The following MYO5C variants were observed in gnomAD, a reference collection of about 807,000 sequenced individuals.
The protein encoded by MYO5C is unconventional myosin-Vc.
Under a neutral mutation model 235.7 loss-of-function variants are expected in MYO5C, and 194 were observed. That is an observed-to-expected ratio of 0.82 (90% CI 0.73 to 0.93). MYO5C has a LOEUF of 0.93. Ranked by LOEUF, MYO5C falls within the 40% of genes least tolerant of loss-of-function variation. The pLI is 0.00. For missense variants in MYO5C, 2,038 were observed against 2,127.2 expected (o/e 0.96, Z 0.82); for synonymous variants, 707 against 754.8 (o/e 0.94, Z 1.04).
intron 34 of MYO5C, among the ~76,000 whole-genome samples, chr15:52,212,298 C>T (rs917428112): frequency 6.6e-6 from 1 of 152,178 alleles, no homozygotes; most frequent in Non-Finnish European, 1.5e-5. Flanking sequence ...ACACCCAGTG[C>T]AGCAGAGGAT....
At chr15:52,196,566 T>A in intron 38 of MYO5C, 83 bp from the exon 39 acceptor site, 1 of 1,342,486 alleles carries the variant, frequency 7.4e-7, no homozygotes, top group East Asian at 2.3e-5. Flanking sequence ...GTACCAGAGT[T>A]CGCTGAGATC....
intron 19 of MYO5C, chr15:52,242,511 T>C: frequency 3.5e-6 from 1 of 284,484 alleles, no homozygotes; most frequent in Non-Finnish European, 6.7e-6. Context: ...ACTTGCTCAA[T>C]CACGTACTAT....
chr15:52,251,517 T>TGGAACTGAAAAAAA lies in MYO5C; in HGVS notation c.1537-3_1537-2insTTTTTTTCAGTTCC. 1 of 1,588,968 alleles carries TGGAACTGAAAAAAA rather than the reference T, an allele frequency of 6.3e-7. No individual in the cohort carries two copies. The highest frequency in any genetic ancestry group is 8.6e-7 in the Non-Finnish European group (1 of 1,167,546). On this transcript the variant is annotated splice_polypyrimidine_tract_variant and splice_region_variant and intron_variant, in intron 12 of 40. Transcript: ENST00000261839. ...GTTTTCATCAGTTCCATGTGGTAAC[T>TGGAACTGAAAAAAA]GGAAAAGAAAAATAAACCAAATAGC...
intron 20 of MYO5C, among the ~76,000 whole-genome samples, chr15:52,241,729 G>GGT (rs370672907): frequency 0.014 from 2,126 of 149,480 alleles, 41 homozygotes; most frequent in African/African-American, 0.046. Context: ...CAGTGCAACT[G>GGT]GTGTGTGTGT....
chr15:52,247,550 G>A lies in MYO5C; in HGVS notation c.1789C>T (p.Pro597Ser), dbSNP rs1168920555. 1 of 1,614,186 alleles carries A rather than the reference G, an allele frequency of 6.2e-7. No homozygotes were observed. Among genetic ancestry groups the A allele is most frequent in the East Asian group, 2.2e-5 (1 of 44,890 alleles). The change falls in exon 15 of 41, where the codon CCT (proline) becomes TCT (serine). Residue 597 changes from proline to serine, a missense_variant. By Grantham distance (74) the Pro-to-Ser change is moderately conservative (BLOSUM62 -1). Coordinates refer to ENST00000261839, the MANE Select transcript of MYO5C (RefSeq NM_018728.4). ...ANFFQENPTP[P>S]SPFGSMITVK... ...GTAATCATTGAACCAAAAGGAGAAG[G>A]AGGAGTTGGATTTTCTTGAAAAAAG... is the stretch of plus-strand genomic sequence containing the variant.
rs781529704 is a variant in MYO5C, at chr15:52,218,564, C to T, written c.3909G>A (p.Lys1303=). ...GGGATGCTTCCTGCCGGAAGTTACA[C>T]TTGACTTCACTTTCAGTTTCAAATT... ...KKQFETESEV[K]CNFRQEASRL... is the part of the protein sequence containing the mutation. Residue 1303 remains lysine (K), a synonymous_variant, in exon 32 of 41, where the codon AAG becomes AAA. Transcript: ENST00000261839. 1 of 1,614,242 alleles carries T rather than the reference C, an allele frequency of 6.2e-7. No homozygotes were observed.
chr15:52,220,656 T>C (rs1313210259), intron 30 of MYO5C, among the ~76,000 whole-genome samples: 1 of 117,854 alleles, frequency 8.5e-6, no homozygotes, highest in African/African-American at 3.7e-5. Flanking sequence ...CCATCTCTAC[T>C]AAAAATACAA....
chr15:52,281,517 C>T (rs953741203), intron 2 of MYO5C, among the ~76,000 whole-genome samples: 1 of 152,230 alleles, frequency 6.6e-6, no homozygotes, highest in Non-Finnish European at 1.5e-5. Flanking sequence ...ATAAAAACTG[C>T]GAGGAGCTCC....
rs1182534269 is a variant in MYO5C, at chr15:52,193,438, T to C, written c.*464A>G. On this transcript the variant is annotated 3_prime_UTR_variant, in exon 41 of 41. Coordinates refer to ENST00000261839, the MANE Select transcript of MYO5C (RefSeq NM_018728.4). Reference sequence around the variant, plus strand: ...CAGCAGGCATGGGGCAAGAGAACTTTTGGCAGGTCACGGTGGCCAAACGGG... The same window carrying C: ...CAGCAGGCATGGGGCAAGAGAACTTCTGGCAGGTCACGGTGGCCAAACGGG... 1 of 153,000 alleles carries C rather than the reference T, an allele frequency of 6.5e-6. No homozygotes were observed. Among genetic ancestry groups the C allele is most frequent in the Non-Finnish European group, 1.5e-5 (1 of 68,712 alleles). 9.5% of individuals were successfully genotyped at this position (153,000 alleles called of 1,614,324 possible).
rs2036317993 is a variant in MYO5C, at chr15:52,245,479, G to A, written c.2067-14C>T. 6.3e-7 allele frequency: 1 copy of A among 1,580,426 alleles called. No homozygotes were observed. The highest frequency in any genetic ancestry group is 8.7e-7 in the Non-Finnish European group (1 of 1,149,432). On this transcript the variant is annotated splice_polypyrimidine_tract_variant and intron_variant, in intron 17 of 40. Coordinates refer to ENST00000261839, the MANE Select transcript of MYO5C (RefSeq NM_018728.4). Reference sequence around the variant, plus strand: ...ATGTATGTCCACCTGGAAAATCAAAGGGGATCAAAGCCAGGAGTGTCAGAG... The same window carrying A: ...ATGTATGTCCACCTGGAAAATCAAAAGGGATCAAAGCCAGGAGTGTCAGAG...
At position 52,218,582 on chromosome 15, in the gene MYO5C, T is replaced by A. The variant is rs748824895; in HGVS notation, c.3891A>T (p.Glu1297Asp). Residue 1297 changes from glutamate to aspartate, a missense_variant, in exon 32 of 41, where the codon GAA (glutamate) becomes GAT (aspartate). Coordinates refer to ENST00000261839, the MANE Select transcript of MYO5C (RefSeq NM_018728.4). ...EASDHLKKQF[E>D]TESEVKCNFR... is the part of the protein sequence containing the mutation. ...AGTTACACTTGACTTCACTTTCAGT[T>A]TCAAATTGTTTCTTCAAGTGGTCAC... 3 of 1,614,218 alleles carry A rather than the reference T, an allele frequency of 1.9e-6. No homozygotes were observed. The East Asian group carries it at 6.7e-5, about 36-fold the overall frequency.
At chr15:52,285,831 C>T (rs2037253195) in intron 1 of MYO5C, among the ~76,000 whole-genome samples, 1 of 152,242 alleles carries the variant, frequency 6.6e-6, no homozygotes, top group South Asian at 2.1e-4. Flanking sequence ...ACCTCCACCT[C>T]CCAGCCGCCT....
At position 52,206,237 on chromosome 15, in the gene MYO5C, C is replaced by T. The variant is rs184700241; in HGVS notation, c.4387-271G>A. ...ACTAAATGGAAAAGCTCGTAGAAGG[C>T]CCATGGAAGCGCATAGGAAAATGAA... On this transcript the variant is annotated intron_variant, in intron 36 of 40. Transcript: ENST00000261839. 7.0e-4 allele frequency among the ~76,000 whole-genome samples: 106 copies of T among 152,236 alleles called. No homozygotes were observed. In the Middle Eastern group the frequency reaches 0.014, roughly 20 times the overall value.
At position 52,239,744 on chromosome 15, in the gene MYO5C, A is replaced by G. The variant is rs11635028; in HGVS notation, c.2692T>C (p.Leu898=). Residue 898 remains leucine, a synonymous_variant, in exon 21 of 41, where the codon TTG becomes CTG. Coordinates refer to ENST00000261839, the MANE Select transcript of MYO5C (RefSeq NM_018728.4). The stretch of plus-strand genomic sequence containing the variant: ...CTATGAGCACCTACCTGATCTTCCA[A>G]CTTTTTCTGCAAACGCTGGACCCTG... ...TYRVQRLQKK[L]EDQNKENHGL... The G allele has an allele frequency of 0.88, 1,400,094 of 1,597,466 alleles. 633,087 individuals are homozygous for G. The highest frequency in any genetic ancestry group is 0.94 in the Non-Finnish European group (1,101,875 of 1,171,516).
intron 24 of MYO5C, among the ~76,000 whole-genome samples, chr15:52,229,703 AAAC>A (rs1250237982): frequency 6.6e-6 from 1 of 152,246 alleles, no homozygotes; most frequent in Non-Finnish European, 1.5e-5. Flanking sequence ...ATCATTTTGA[AAAC>A]AACAAGAGGA....
chr15:52,236,382 A>G (rs1268744005), intron 22 of MYO5C, among the ~76,000 whole-genome samples: 1 of 152,206 alleles, frequency 6.6e-6, no homozygotes, highest in African/African-American at 2.4e-5. Flanking sequence ...GACTTTGAAA[A>G]TGCAGCAGAG....
intron 23 of MYO5C, among the ~76,000 whole-genome samples, chr15:52,234,483 AG>A (rs1456851315): frequency 9.5e-5 from 7 of 73,906 alleles, no homozygotes; most frequent in Non-Finnish European, 3.4e-4. Flanking sequence ...ATTTGAAGTT[AG>A]GGGGGAAAAA....
intron 32 of MYO5C, 144 bp downstream of exon 32, chr15:52,218,375 T>C: frequency 2.4e-6 from 2 of 838,984 alleles, no homozygotes; most frequent in Non-Finnish European, 3.6e-6. Context: ...AGACCACCTG[T>C]CTTTTGGGAT....
intron 4 of MYO5C, among the ~76,000 whole-genome samples, chr15:52,276,920 T>C (rs2037063954): frequency 6.6e-6 from 1 of 152,006 alleles, no homozygotes; most frequent in African/African-American, 2.4e-5. Flanking sequence ...CAGATTCTCA[T>C]TTAAGCTTCA....
Sources: gnomAD v4.1 joint callset for allele counts (sites outside exome capture counted in the v4.1 genomes callset) on GRCh38, gnomAD v4.1.1 for gene constraint, MANE v1.5 for transcripts, NCBI Gene and HGNC (gene_info 2026-07-23, HGNC 2026-07-21) for gene names.